The following PTGS1 variants were observed in gnomAD, a reference collection of about 807,000 sequenced individuals.
PTGS1 encodes prostaglandin G/H synthase 1.
A neutral mutation model predicts 63.0 loss-of-function variants in PTGS1; 40 were observed. That is an observed-to-expected ratio of 0.63 (90% confidence interval 0.49 to 0.83). The LOEUF (loss-of-function observed/expected upper bound fraction) is 0.83, where lower values mean the gene tolerates loss of function less well. PTGS1 is among the 40% of genes least tolerant of loss of function. PTGS1 has a pLI of 0.00. For synonymous variants in PTGS1, 298 were observed against 301.9 expected (o/e 0.99, Z 0.13); for missense variants, 709 against 786.5 (o/e 0.90, Z 1.18).
intron 5 of PTGS1, among the ~76,000 whole-genome samples, chr9:122,380,387 C>T (rs967303459): frequency 1.3e-5 from 2 of 151,894 alleles, no homozygotes; most frequent in Non-Finnish European, 2.9e-5. Flanking sequence ...ATCAATTGAG[C>T]CCAGGAGGTC....
Position 122,392,619 on chromosome 9 carries a change from G to A in PTGS1, c.*75G>A, listed in dbSNP as rs202142467. ...CAGAGTGCTGAGGCCAGGGCTGATG[G>A]TCTTAAATGCTCATTTTCTGGTTTG... On this transcript the variant is annotated 3_prime_UTR_variant, in exon 11 of 11. Transcript: ENST00000362012. 23 of 1,355,948 alleles carry A rather than the reference G, an allele frequency of 1.7e-5. No individual in the cohort carries two copies. The African/African-American group carries it at 2.5e-4, about 14-fold the overall frequency. The allele number at this position is 1,355,948 out of a possible 1,614,324, so 84.0% of individuals were successfully genotyped here. A position where few individuals can be genotyped will look rare whatever the true frequency, so the allele number is the denominator to read the frequency against.
At chr9:122,386,019 T>C (rs945566879) in intron 8 of PTGS1, among the ~76,000 whole-genome samples, 5 of 151,806 alleles carry the variant, frequency 3.3e-5, no homozygotes, top group Non-Finnish European at 7.4e-5. Context: ...CAAGGCCAGG[T>C]GTGGTGGCTC....
Position 122,392,258 on chromosome 9 carries a change from G to A in PTGS1, c.1514G>A (p.Gly505Glu). Residue 505 changes from glycine to glutamate, a missense_variant, in exon 11 of 11, where the codon GGA becomes GAA. Gly to Glu is a moderately conservative substitution (Grantham distance 98). Transcript: ENST00000362012. ...GDIDALEFYP[G>E]LLLEKCHPNS... is the part of the protein sequence containing the mutation. ...ATTGATGCGTTGGAGTTCTACCCTGGACTGCTTCTTGAAAAGTGCCATCCA... is the reference window on the plus strand; with the variant it reads ...ATTGATGCGTTGGAGTTCTACCCTGAACTGCTTCTTGAAAAGTGCCATCCA... The A allele has an allele frequency of 1.2e-6, 2 of 1,613,412 alleles. No individual in the cohort carries two copies. Among genetic ancestry groups the A allele is most frequent in the Non-Finnish European group, 8.5e-7 (1 of 1,179,418 alleles).
chr9:122,378,587 A>T lies in PTGS1; in HGVS notation c.352+14A>T. 1 of 1,614,078 alleles carries T rather than the reference A, an allele frequency of 6.2e-7. No individual in the cohort carries two copies. Among genetic ancestry groups the T allele is most frequent in the Non-Finnish European group, 8.5e-7 (1 of 1,179,956 alleles). On this transcript the variant is annotated intron_variant, in intron 4 of 10. Transcript: ENST00000362012. ...TGGTACTCACAGGTGGGTGTGGGGC[A>T]GGGCCCCCTGACCTGGGGGAGCAAG...
chr9:122,385,984 G>T (rs150533664), intron 8 of PTGS1, among the ~76,000 whole-genome samples: 25 of 152,048 alleles, frequency 1.6e-4, no homozygotes, highest in African/African-American at 5.8e-4. Flanking sequence ...AATGGAAGAG[G>T]CCAAACAAAA....
intron 5 of PTGS1, among the ~76,000 whole-genome samples, chr9:122,380,783 G>A (rs188094813): frequency 1.3e-4 from 20 of 152,192 alleles, no homozygotes; most frequent in Non-Finnish European, 2.4e-4. Flanking sequence ...ATTATCTCTC[G>A]CAGTCCTCAG....
chr9:122,379,275 G>T (rs979390959), intron 5 of PTGS1, among the ~76,000 whole-genome samples: 3 of 152,170 alleles, frequency 2.0e-5, no homozygotes, highest in African/African-American at 7.2e-5. Flanking sequence ...CTTTACAGAT[G>T]TAAATAGTTT....
intron 8 of PTGS1, among the ~76,000 whole-genome samples, chr9:122,384,159 C>A (rs569065725): frequency 4.0e-4 from 61 of 152,240 alleles, no homozygotes; most frequent in African/African-American, 1.4e-3. Flanking sequence ...CTTGCCCGGC[C>A]TTCAGGAATC....
At position 122,386,536 on chromosome 9, in the gene PTGS1, G is replaced by A. The variant is rs777974312; in HGVS notation, c.1100G>A (p.Gly367Asp). 6.2e-7 allele frequency: 1 copy of A among 1,614,176 alleles called. No homozygotes were observed. Among genetic ancestry groups the A allele is most frequent in the African/African-American group, 1.3e-5 (1 of 75,026 alleles). Residue 367 changes from glycine to aspartate, a missense_variant, in exon 9 of 11, where the codon GGT becomes GAT. By Grantham distance (94) the Gly-to-Asp change is moderately conservative. Transcript: ENST00000362012. The part of the protein sequence containing the change: ...QLKFDPELLF[G>D]VQFQYRNRIA... ...AAATTTGACCCAGAGCTGCTGTTCGGTGTCCAGTTCCAATACCGCAACCGC... is the reference window on the plus strand; with the variant it reads ...AAATTTGACCCAGAGCTGCTGTTCGATGTCCAGTTCCAATACCGCAACCGC...
At chr9:122,391,421 A>G (rs1268862315) in intron 10 of PTGS1, among the ~76,000 whole-genome samples, 3 of 29,500 alleles carry the variant, frequency 1.0e-4, no homozygotes, top group Non-Finnish European at 1.5e-4. Flanking sequence ...ATATATATAT[A>G]TATATACATA....
intron 2 of PTGS1, among the ~76,000 whole-genome samples, chr9:122,376,073 G>A (rs1424419707): frequency 6.6e-6 from 1 of 152,070 alleles, no homozygotes; most frequent in African/African-American, 2.4e-5. Context: ...TTTCTTGGGG[G>A]AACCAGACCT....
intron 7 of PTGS1, among the ~76,000 whole-genome samples, chr9:122,383,207 CT>C (rs556984692): frequency 0.052 from 3,660 of 70,334 alleles, 25 homozygotes; most frequent in South Asian, 0.13. Flanking sequence ...TTTTTTTTTT[CT>C]TTTTTTTTTT....
chr9:122,381,325 A>G, intron 5 of PTGS1, 46 bp from the exon 6 acceptor site: 1 of 1,588,728 alleles, frequency 6.3e-7, no homozygotes. Flanking sequence ...CAGGGCAGCA[A>G]GATCCAGATA....
chr9:122,375,780 G>T (rs1837105386), intron 2 of PTGS1, among the ~76,000 whole-genome samples: 1 of 152,312 alleles, frequency 6.6e-6, no homozygotes, highest in South Asian at 2.1e-4. Context: ...TGGAGATGCT[G>T]AGGGTTTGGG....
intron 5 of PTGS1, among the ~76,000 whole-genome samples, chr9:122,380,567 A>G (rs1026411445): frequency 2.0e-5 from 3 of 152,234 alleles, no homozygotes; most frequent in Non-Finnish European, 4.4e-5. Flanking sequence ...ATTTTTGTAA[A>G]TAAAGTTTTA....
At position 122,393,049 on chromosome 9, in the gene PTGS1, G is replaced by A. The variant is rs576138456; in HGVS notation, c.*505G>A. On this transcript the variant is annotated 3_prime_UTR_variant, in exon 11 of 11. Coordinates refer to ENST00000362012, the MANE Select transcript of PTGS1 (RefSeq NM_000962.4). Reference sequence around the variant, plus strand: ...GATTTGATTCATTTTCCTGTTCAGTGAGATATCATAGAGACGGAGATCCTA... The same window carrying A: ...GATTTGATTCATTTTCCTGTTCAGTAAGATATCATAGAGACGGAGATCCTA... The A allele has an allele frequency of 4.4e-5, 7 of 157,852 alleles. No homozygotes were observed. Among genetic ancestry groups the A allele is most frequent in the African/African-American group, 1.7e-4 (7 of 41,612 alleles). The allele number at this position is 157,852 out of a possible 1,614,324, so 9.8% of individuals were successfully genotyped here. A position where few individuals can be genotyped will look rare whatever the true frequency, so the allele number is the denominator to read the frequency against.
At chr9:122,391,015 G>T (rs140587717) in intron 10 of PTGS1, among the ~76,000 whole-genome samples, 1 of 152,134 alleles carries the variant, frequency 6.6e-6, no homozygotes, top group Non-Finnish European at 1.5e-5. Flanking sequence ...GGAGGTTGGG[G>T]CCAAACCGTG....
chr9:122,386,239 G>A (rs1837865053), intron 8 of PTGS1, among the ~76,000 whole-genome samples: 1 of 152,096 alleles, frequency 6.6e-6, no homozygotes, highest in Admixed American at 6.5e-5. Flanking sequence ...GAAAGTTCAG[G>A]CTGAAGTGAG....
intron 2 of PTGS1, among the ~76,000 whole-genome samples, chr9:122,377,171 A>G (rs1837217243): frequency 6.6e-6 from 1 of 151,764 alleles, no homozygotes; most frequent in African/African-American, 2.4e-5. Context: ...CTGCACACCC[A>G]CCCTCTGTCC....
Sources: gnomAD v4.1 joint callset for allele counts (sites outside exome capture counted in the v4.1 genomes callset) on GRCh38, gnomAD v4.1.1 for gene constraint, MANE v1.5 for transcripts, NCBI Gene and HGNC (gene_info 2026-07-23, HGNC 2026-07-21) for gene names.